Variants in TAFA4 observed in about 807,000 individuals in gnomAD.
The protein encoded by TAFA4 is chemokine-like protein TAFA-4.
TAFA4 carries 20 observed loss-of-function variants against 21.1 expected under a neutral mutation model. That is an observed-to-expected ratio of 0.95 (90% CI 0.67 to 1.38). The LOEUF (loss-of-function observed/expected upper bound fraction) is 1.38, where lower values mean the gene tolerates loss of function less well. Ranked by LOEUF, TAFA4 falls within the 40% of genes most tolerant of loss-of-function variation. TAFA4 has a pLI of 0.00. For missense variants in TAFA4, 211 were observed against 180.9 expected, an observed-to-expected ratio of 1.17 and a Z score of -0.95; for synonymous variants, 71 against 67.4, an observed-to-expected ratio of 1.05 and a Z score of -0.26.
intron 3 of TAFA4, among the ~76,000 whole-genome samples, chr3:68,877,658 C>CA (rs1470716959): frequency 6.6e-6 from 1 of 152,174 alleles, no homozygotes; most frequent in African/African-American, 2.4e-5. Context: ...GCTGAAACCT[C>CA]AGTCTTCATA....
intron 3 of TAFA4, among the ~76,000 whole-genome samples, chr3:68,786,647 G>T (rs757772654): frequency 6.6e-6 from 1 of 152,126 alleles, no homozygotes; most frequent in Non-Finnish European, 1.5e-5. Flanking sequence ...TTGTAAAATG[G>T]TAATAATTAT....
chr3:68,905,877 C>A (rs1253887351), intron 1 of TAFA4, among the ~76,000 whole-genome samples: 1 of 152,204 alleles, frequency 6.6e-6, no homozygotes. Flanking sequence ...GGCTTCCAAG[C>A]AAGCCAAAGC....
At chr3:68,760,552 A>C (rs1457101219) in intron 3 of TAFA4, among the ~76,000 whole-genome samples, 1 of 152,162 alleles carries the variant, frequency 6.6e-6, no homozygotes, top group Non-Finnish European at 1.5e-5. Flanking sequence ...CCTCAAAGAG[A>C]AGTCTCACAC....
At chr3:68,856,275 G>A (rs573628193) in intron 3 of TAFA4, among the ~76,000 whole-genome samples, 35 of 152,176 alleles carry the variant, frequency 2.3e-4, no homozygotes, top group African/African-American at 8.4e-4. Context: ...GAGGTCTAAG[G>A]CAACTTTATC....
At chr3:68,780,875 C>G (rs1382980214) in intron 3 of TAFA4, among the ~76,000 whole-genome samples, 1 of 147,852 alleles carries the variant, frequency 6.8e-6, no homozygotes, top group Non-Finnish European at 1.5e-5. Context: ...GAATATTCAT[C>G]AAGTCAGATC....
In TAFA4 at chr3:68,846,926, C is replaced by CAGG. The variant is rs1300364128; in HGVS notation, c.130+33803_130+33804insCCT. Among the ~76,000 whole-genome samples, 5 of 106,218 alleles carry CAGG rather than the reference C, an allele frequency of 4.7e-5. No homozygotes were observed. In the South Asian group the frequency reaches 1.4e-3, roughly 30 times the overall value. 69.7% of individuals were successfully genotyped at this position (106,218 alleles called of 152,430 possible). A position where few individuals can be genotyped will look rare whatever the true frequency, so the allele number is the denominator to read the frequency against. ...CAGAGGGGCACTCACCAGATGCCAGCCGCTCTCCTGCATGAGATGTCTGTC... is the reference window on the plus strand; with the variant it reads ...CAGAGGGGCACTCACCAGATGCCAGCAGGCGCTCTCCTGCATGAGATGTCTGTC... On this transcript the variant is annotated intron_variant, in intron 3 of 5. Transcript: ENST00000295569.
intron 4 of TAFA4, among the ~76,000 whole-genome samples, chr3:68,744,134 A>C (rs1702408863): frequency 6.6e-6 from 1 of 152,234 alleles, no homozygotes; most frequent in Non-Finnish European, 1.5e-5. Flanking sequence ...TCCACTCAGG[A>C]GTGAGAACCC....
chr3:68,846,927 C>T (rs1559541684), intron 3 of TAFA4, among the ~76,000 whole-genome samples: 2 of 151,388 alleles, frequency 1.3e-5, no homozygotes, highest in Non-Finnish European at 3.0e-5. Context: ...AGATGCCAGC[C>T]GCTCTCCTGC....
chr3:68,774,748 A>T (rs1559516887), intron 3 of TAFA4, among the ~76,000 whole-genome samples: 2 of 152,198 alleles, frequency 1.3e-5, no homozygotes, highest in Non-Finnish European at 2.9e-5. Context: ...AACATGAGAG[A>T]TCCTCTTTTC....
intron 3 of TAFA4, among the ~76,000 whole-genome samples, chr3:68,771,501 A>G (rs1045993648): frequency 6.6e-6 from 1 of 152,208 alleles, no homozygotes; most frequent in African/African-American, 2.4e-5. Context: ...ACCCTGTCGC[A>G]CTTCCTGCGA....
intron 3 of TAFA4, among the ~76,000 whole-genome samples, chr3:68,876,398 T>A (rs2089550291): frequency 6.6e-6 from 1 of 152,208 alleles, no homozygotes. Flanking sequence ...AAAGTACAAG[T>A]ATAGCCGCCT....
intron 3 of TAFA4, among the ~76,000 whole-genome samples, chr3:68,763,769 G>A (rs1702799227): frequency 6.6e-6 from 1 of 151,468 alleles, no homozygotes; most frequent in African/African-American, 2.4e-5. Flanking sequence ...TCATAGATTT[G>A]AAGGTTCATA....
intron 3 of TAFA4, among the ~76,000 whole-genome samples, chr3:68,804,130 G>A (rs116045765): frequency 3.2e-3 from 487 of 152,044 alleles, no homozygotes; most frequent in Non-Finnish European, 5.5e-3. Flanking sequence ...TAAGAAACAA[G>A]GTGTAACCCA....
intron 3 of TAFA4, among the ~76,000 whole-genome samples, chr3:68,833,123 G>C (rs1162534823): frequency 6.6e-6 from 1 of 152,180 alleles, no homozygotes; most frequent in African/African-American, 2.4e-5. Context: ...AGCTTCCCTT[G>C]GCTAGGAAAG....
At chr3:68,895,056 C>T (rs1201663835) in intron 1 of TAFA4, among the ~76,000 whole-genome samples, 1 of 151,892 alleles carries the variant, frequency 6.6e-6, no homozygotes, top group African/African-American at 2.4e-5. Flanking sequence ...CTCACTCTAT[C>T]GCCCAGGCTC....
chr3:68,843,743 T>C (rs1016717056), intron 3 of TAFA4, among the ~76,000 whole-genome samples: 1 of 152,268 alleles, frequency 6.6e-6, no homozygotes, highest in Non-Finnish European at 1.5e-5. Flanking sequence ...TTGAATTTTA[T>C]CAAAGGCCTT....
At chr3:68,829,812 G>A (rs866044807) in intron 3 of TAFA4, among the ~76,000 whole-genome samples, 9 of 152,038 alleles carry the variant, frequency 5.9e-5, no homozygotes, top group Admixed American at 2.6e-4. Context: ...GAATCTGTCC[G>A]GTCCTGGACT....
intron 3 of TAFA4, among the ~76,000 whole-genome samples, chr3:68,801,819 C>A (rs1202587937): frequency 6.6e-6 from 1 of 152,102 alleles, no homozygotes. Context: ...CAGATTTGAT[C>A]AAAGTTTACC....
At chr3:68,819,116 T>G (rs1704053363) in intron 3 of TAFA4, among the ~76,000 whole-genome samples, 1 of 151,826 alleles carries the variant, frequency 6.6e-6, no homozygotes, top group Admixed American at 6.6e-5. Flanking sequence ...CTACAAAAAC[T>G]GCAAAAATCA....
Sources: gnomAD v4.1 joint callset for allele counts (sites outside exome capture counted in the v4.1 genomes callset) on GRCh38, gnomAD v4.1.1 for gene constraint, MANE v1.5 for transcripts, NCBI Gene and HGNC (gene_info 2026-07-23, HGNC 2026-07-21) for gene names.